The following ABCA13 variants were observed in gnomAD, a reference collection of about 807,000 sequenced individuals.
ABCA13 encodes ATP-binding cassette sub-family A member 13.
A neutral mutation model predicts 478.7 loss-of-function variants in ABCA13; 476 were observed. The ratio of observed to expected loss-of-function variants is 0.99; its 90% CI spans 0.92 to 1.07. The LOEUF (loss-of-function observed/expected upper bound fraction) is 1.07. ABCA13 is among the 50% of genes least tolerant of loss of function. ABCA13 has a pLI of 0.00. For missense variants in ABCA13, 6,060 were observed against 5,910.6 expected, an observed-to-expected ratio of 1.03 and a Z score of -0.83; for synonymous variants, 2,252 against 2,158.9, an observed-to-expected ratio of 1.04 and a Z score of -1.20.
intron 33 of ABCA13, among the ~76,000 whole-genome samples, chr7:48,372,738 T>C (rs6583405): frequency 0.24 from 36,942 of 152,104 alleles, 5,045 homozygotes; most frequent in African/African-American, 0.37. Context: ...TTTCTGCAGA[T>C]TCTGGAAAAT....
intron 27 of ABCA13, among the ~76,000 whole-genome samples, chr7:48,320,791 T>G (rs556721755): frequency 6.6e-6 from 1 of 152,314 alleles, no homozygotes; most frequent in African/African-American, 2.4e-5. Context: ...AAGGGACGTA[T>G]AAGCCCATGA....
Position 48,227,284 on chromosome 7 carries a change from AG to A in ABCA13, c.493del (p.Val165Ter). On this transcript the variant is annotated frameshift_variant, in exon 6 of 62. Coordinates refer to ENST00000435803, the MANE Select transcript of ABCA13 (RefSeq NM_152701.5). LOFTEE classifies it high-confidence loss of function. ...FFTMDLNKTE[E>X]VILKLESLHQ... Reference sequence around the variant, plus strand: ...CAGATGGATCTCAATAAGACCGAGGAGGTAATATTGAAACTGGAAAGCCTCC... The same window carrying A: ...CAGATGGATCTCAATAAGACCGAGGAGTAATATTGAAACTGGAAAGCCTCC... 2 of 1,613,762 alleles carry A rather than the reference AG, an allele frequency of 1.2e-6. No homozygotes were observed. The highest frequency in any genetic ancestry group is 1.7e-6 in the Non-Finnish European group (2 of 1,179,820).
intron 42 of ABCA13, among the ~76,000 whole-genome samples, chr7:48,449,871 A>C (rs1221904478): frequency 6.6e-6 from 1 of 152,004 alleles, no homozygotes; most frequent in Non-Finnish European, 1.5e-5. Flanking sequence ...GATTCCTTCT[A>C]TTTCTTCACA....
rs1360374033 is a variant in ABCA13 at position 48,467,022 on chromosome 7, C to G, written c.12882C>G (p.Pro4294=). 15 of 1,613,972 alleles carry G rather than the reference C, an allele frequency of 9.3e-6. No individual in the cohort carries two copies. The highest frequency in any genetic ancestry group is 1.2e-5 in the Non-Finnish European group (14 of 1,179,866). Residue 4294 remains proline (P), a synonymous_variant, in exon 44 of 62, where the codon CCC becomes CCG. Transcript: ENST00000435803. The part of the protein sequence containing the change: ...LLRKFRDQDL[P]CADLNPRQKN... ...GGAAGTTTAGAGATCAAGATTTGCC[C>G]TGTGCAGATTTAAACCCACGCCAGT...
intron 23 of ABCA13, among the ~76,000 whole-genome samples, chr7:48,299,114 A>G (rs17132219): frequency 0.03 from 4,580 of 152,280 alleles, 227 homozygotes; most frequent in African/African-American, 0.1. Flanking sequence ...CATGTTTTCC[A>G]CAGCAGATAT....
At chr7:48,455,562 C>T (rs1825574429) in intron 43 of ABCA13, among the ~76,000 whole-genome samples, 2 of 151,946 alleles carry the variant, frequency 1.3e-5, no homozygotes, top group Non-Finnish European at 2.9e-5. Flanking sequence ...CGAAAGGGCG[C>T]AAGCTGTCAC....
At chr7:48,298,312 C>T (rs957724117) in intron 22 of ABCA13, 54 bp from the exon 23 acceptor site, 6 of 1,503,790 alleles carry the variant, frequency 4.0e-6, no homozygotes, top group Non-Finnish European at 5.4e-6. Flanking sequence ...TTTTCGCAGT[C>T]AGTAATGATC....
rs1467864152 is a variant in ABCA13, at chr7:48,287,998, C to T, written c.8875C>T (p.Leu2959=). 1.2e-6 allele frequency: 2 copies of T among 1,613,866 alleles called. No homozygotes were observed. The highest frequency in any genetic ancestry group is 1.7e-5 in the Admixed American group (1 of 59,998). Residue 2959 remains leucine (L), a synonymous_variant, in exon 20 of 62, where the codon CTG becomes TTG. Coordinates refer to ENST00000435803, the MANE Select transcript of ABCA13 (RefSeq NM_152701.5). ...GACCAAGGACATTTTGTGTGCTACT[C>T]TGAGTTGCAAGCAAAATGGGATAAG... is the stretch of plus-strand genomic sequence containing the variant. ...SWTKDILCAT[L]SCKQNGIRHL... is the part of the protein sequence containing the mutation.
At chr7:48,190,822 C>G (rs1797008200) in intron 1 of ABCA13, among the ~76,000 whole-genome samples, 2 of 152,046 alleles carry the variant, frequency 1.3e-5, no homozygotes, top group Non-Finnish European at 2.9e-5. Context: ...ATAGTTTATC[C>G]TATAGGAGAG....
At chr7:48,524,539 C>A in intron 54 of ABCA13, 99 bp downstream of exon 54, 2 of 1,084,048 alleles carry the variant, frequency 1.8e-6, no homozygotes, top group South Asian at 1.9e-5. Context: ...GAAATCAGAG[C>A]CAAAAATAGC....
chr7:48,596,397 T>G (rs939768917), intron 58 of ABCA13, among the ~76,000 whole-genome samples: 1 of 152,234 alleles, frequency 6.6e-6, no homozygotes, highest in Admixed American at 6.5e-5. Context: ...TTAACCACTG[T>G]AAGTATGGAA....
chr7:48,284,627 T>C (rs758875676), intron 19 of ABCA13, among the ~76,000 whole-genome samples: 4 of 152,266 alleles, frequency 2.6e-5, no homozygotes, highest in Non-Finnish European at 5.9e-5. Context: ...AAACATTCAT[T>C]AATGTATGAA....
At chr7:48,584,173 G>A (rs2131379483) in intron 56 of ABCA13, among the ~76,000 whole-genome samples, 1 of 152,150 alleles carries the variant, frequency 6.6e-6, no homozygotes. Context: ...TGAATAACAT[G>A]GATGAGAGTA....
chr7:48,596,354 A>G (rs1790274601), intron 58 of ABCA13, among the ~76,000 whole-genome samples: 1 of 152,076 alleles, frequency 6.6e-6, no homozygotes, highest in African/African-American at 2.4e-5. Flanking sequence ...TTTAAATGCC[A>G]TTTTCTGAAG....
rs923260233 is a variant in ABCA13, at chr7:48,426,266, G to C, written c.12460-1500G>C. ...GGTAGCTGCATCTGACCTTTCACTA[G>C]TGCTACTCATGCAGATTTTGCTCAG... On this transcript the variant is annotated intron_variant, in intron 41 of 61. Coordinates refer to ENST00000435803, the MANE Select transcript of ABCA13 (RefSeq NM_152701.5). 3.3e-5 allele frequency among the ~76,000 whole-genome samples: 5 copies of C among 152,298 alleles called. No homozygotes were observed. The South Asian group carries it at 1.0e-3, about 32-fold the overall frequency.
intron 27 of ABCA13, among the ~76,000 whole-genome samples, chr7:48,325,186 G>A (rs1292118025): frequency 6.6e-6 from 1 of 152,210 alleles, no homozygotes; most frequent in African/African-American, 2.4e-5. Flanking sequence ...GCAGCTGGTG[G>A]TAGGAAAGCT....
At position 48,645,537 on chromosome 7, in the gene ABCA13, A is replaced by G. The variant is rs1795390882; in HGVS notation, c.*25A>G. On this transcript the variant is annotated 3_prime_UTR_variant, in exon 62 of 62. Transcript: ENST00000435803. ...AGCACTAAAGAAGTTTCCATAAGGA[A>G]TAAAACCTTGTCTTCCATTACAATT... 2 of 1,535,702 alleles carry G rather than the reference A, an allele frequency of 1.3e-6. No individual in the cohort carries two copies. The highest frequency in any genetic ancestry group is 1.8e-6 in the Non-Finnish European group (2 of 1,129,662).
Position 48,645,709 on chromosome 7 carries a change from AC to A in ABCA13, c.*198del, listed in dbSNP as rs1368250799. 16 of 533,004 alleles carry A rather than the reference AC, an allele frequency of 3.0e-5. No individual in the cohort carries two copies. The highest frequency in any genetic ancestry group is 2.8e-4 in the African/African-American group (14 of 50,660). The allele number at this position is 533,004 out of a possible 1,614,324, so 33.0% of individuals were successfully genotyped here. A position where few individuals can be genotyped will look rare whatever the true frequency, so the allele number is the denominator to read the frequency against. Reference sequence around the variant, plus strand: ...AATGGAAAGGTCATTCTTTCTGCAGACTTTTGGGGAGCTCCTCCAAAACATT... The same window carrying A: ...AATGGAAAGGTCATTCTTTCTGCAGATTTTGGGGAGCTCCTCCAAAACATT... On this transcript the variant is annotated 3_prime_UTR_variant, in exon 62 of 62. Coordinates refer to ENST00000435803, the MANE Select transcript of ABCA13 (RefSeq NM_152701.5).
At chr7:48,350,454 T>A (rs369946734) in intron 29 of ABCA13, among the ~76,000 whole-genome samples, 189 bp from the exon 30 acceptor site, 4 of 152,304 alleles carry the variant, frequency 2.6e-5, no homozygotes, top group African/African-American at 9.6e-5. Context: ...TGTATAAAAG[T>A]GTAGAGTTTA....
Sources: allele counts gnomAD v4.1 joint callset (sites outside exome capture counted in the v4.1 genomes callset), GRCh38; gene constraint gnomAD v4.1.1; transcripts MANE v1.5; gene names NCBI Gene and HGNC (gene_info 2026-07-23, HGNC 2026-07-21).